Variants in RAB17 observed in about 807,000 individuals in gnomAD.
RAB17 encodes the protein ras-related protein Rab-17.
A neutral mutation model predicts 19.3 loss-of-function variants in RAB17; 15 were observed. That is an observed-to-expected ratio of 0.78 (90% CI 0.52 to 1.20). The LOEUF (loss-of-function observed/expected upper bound fraction) is 1.20. Ranked by LOEUF, RAB17 falls within the 50% of genes most tolerant of loss-of-function variation. The pLI, the probability that RAB17 is intolerant of heterozygous loss-of-function variation, is 0.00. For synonymous variants in RAB17, 110 were observed against 112.8 expected, an observed-to-expected ratio of 0.97 and a Z score of 0.16; for missense variants, 262 against 269.3, an observed-to-expected ratio of 0.97 and a Z score of 0.19.
rs1574931022 is a variant in RAB17, at chr2:237,574,901, C to T, written c.*118G>A. ...TGGTTTTCATAAAGGGGGCCAACTT[C>T]CAGGAACATCTAGGGCTCGGGAGCA... On this transcript the variant is annotated 3_prime_UTR_variant, in exon 6 of 6. Transcript: ENST00000264601. 3 of 894,914 alleles carry T rather than the reference C, an allele frequency of 3.4e-6. No homozygotes were observed. The highest frequency in any genetic ancestry group is 4.2e-5 in the South Asian group (2 of 47,758). The allele number at this position is 894,914 out of a possible 1,614,324, so 55.4% of individuals were successfully genotyped here. A position where few individuals can be genotyped will look rare whatever the true frequency, so the allele number is the denominator to read the frequency against.
chr2:237,574,568 C>A lies in RAB17; in HGVS notation c.*451G>T. 1 of 1,549,762 alleles carries A rather than the reference C, an allele frequency of 6.5e-7. No individual in the cohort carries two copies. Among genetic ancestry groups the A allele is most frequent in the Non-Finnish European group, 8.7e-7 (1 of 1,146,624 alleles). ...CAGTCAGTCATCGCTCCATTTCTTC[C>A]TGGCACCACCACCTCCATCTGGCCT... On this transcript the variant is annotated 3_prime_UTR_variant, in exon 6 of 6. Coordinates refer to ENST00000264601, the MANE Select transcript of RAB17 (RefSeq NM_022449.4).
At chr2:237,585,295 CA>C (rs1180813893) in intron 2 of RAB17, 1 of 167,594 alleles carries the variant, frequency 6.0e-6, no homozygotes, top group Admixed American at 6.5e-5. Flanking sequence ...TGTGTTCCCC[CA>C]GGGGGAATGG....
chr2:237,575,648 A>C (rs527608420), intron 4 of RAB17, 168 bp from the exon 5 acceptor site: 9 of 595,452 alleles, frequency 1.5e-5, no homozygotes, highest in Non-Finnish European at 2.7e-5. Flanking sequence ...AGCCAGGACC[A>C]GGGAGGGGCG....
chr2:237,581,905 A>C (rs2081311602), intron 2 of RAB17, among the ~76,000 whole-genome samples: 3 of 152,246 alleles, frequency 2.0e-5, no homozygotes, highest in Admixed American at 2.0e-4. Context: ...CCATCCTTCC[A>C]AAAGATGTCA....
Position 237,574,824 on chromosome 2 carries a change from G to A in RAB17, c.*195C>T. On this transcript the variant is annotated 3_prime_UTR_variant, in exon 6 of 6. Coordinates refer to ENST00000264601, the MANE Select transcript of RAB17 (RefSeq NM_022449.4). ...GGGATAGGGCACAGCACTTTCCTGG[G>A]AGCCATGTGACGCCAGATCTTCCTC... The A allele has an allele frequency of 1.2e-6, 1 of 866,174 alleles. No individual in the cohort carries two copies. The highest frequency in any genetic ancestry group is 1.7e-6 in the Non-Finnish European group (1 of 594,370). 53.7% of individuals were successfully genotyped at this position (866,174 alleles called of 1,614,324 possible).
At chr2:237,580,179 G>A (rs1354685403) in intron 2 of RAB17, among the ~76,000 whole-genome samples, 1 of 152,164 alleles carries the variant, frequency 6.6e-6, no homozygotes, top group East Asian at 1.9e-4. Flanking sequence ...ACCCAGGGTG[G>A]CTGTTAAATC....
intron 4 of RAB17, 58 bp downstream of exon 4, chr2:237,577,199 A>C (rs2081272035): frequency 1.3e-6 from 2 of 1,561,422 alleles, no homozygotes; most frequent in Non-Finnish European, 1.7e-6. Flanking sequence ...GTCTTGACAC[A>C]GGCGGGCAGG....
intron 2 of RAB17, among the ~76,000 whole-genome samples, chr2:237,581,896 C>T (rs2081311540): frequency 6.6e-6 from 1 of 152,218 alleles, no homozygotes; most frequent in Admixed American, 6.5e-5. Flanking sequence ...TAGATGTCAC[C>T]ATCCTTCCAA....
Position 237,582,103 on chromosome 2 carries a change from C to T in RAB17, c.157+3895G>A, listed in dbSNP as rs548846214. 5.3e-5 allele frequency among the ~76,000 whole-genome samples: 8 copies of T among 152,378 alleles called. No homozygotes were observed. The East Asian group carries it at 1.5e-3, about 29-fold the overall frequency. On this transcript the variant is annotated intron_variant, in intron 2 of 5. Transcript: ENST00000264601. ...ACTTGGACTCCCGTCCCTCGGACTC[C>T]CGTCCGTTCTGCCTCTGCTCCTGCC...
chr2:237,577,399 A>G lies in RAB17; in HGVS notation c.310-17T>C. 6.3e-7 allele frequency: 1 copy of G among 1,590,570 alleles called. No individual in the cohort carries two copies. Among genetic ancestry groups the G allele is most frequent in the Non-Finnish European group, 8.6e-7 (1 of 1,166,352 alleles). ...GAAGGAATCCTAGAAAAGAAGAAAA[A>G]AAGTAACATCAAACAAAACTTATAG... On this transcript the variant is annotated splice_polypyrimidine_tract_variant and intron_variant, in intron 3 of 5. Transcript: ENST00000264601.
intron 2 of RAB17, among the ~76,000 whole-genome samples, chr2:237,580,173 A>C (rs530897577): frequency 1.3e-5 from 2 of 152,362 alleles, no homozygotes; most frequent in Admixed American, 1.3e-4. Context: ...CCCTTCACCC[A>C]GGGTGGCTGT....
intron 4 of RAB17, chr2:237,576,766 G>C: frequency 2.1e-6 from 1 of 470,228 alleles, no homozygotes; most frequent in Non-Finnish European, 4.4e-6. Context: ...GCCTCTGCCT[G>C]TAAGGAGGAC....
rs1378855148 is a variant in RAB17 at position 237,577,397 on chromosome 2, A to G, written c.310-15T>C. 1.3e-6 allele frequency: 2 copies of G among 1,590,512 alleles called. No individual in the cohort carries two copies. The highest frequency in any genetic ancestry group is 1.1e-5 in the South Asian group (1 of 89,006). ...AGGAAGGAATCCTAGAAAAGAAGAA[A>G]AAAAGTAACATCAAACAAAACTTAT... is the stretch of plus-strand genomic sequence containing the variant. On this transcript the variant is annotated splice_polypyrimidine_tract_variant and intron_variant, in intron 3 of 5. Transcript: ENST00000264601.
intron 2 of RAB17, among the ~76,000 whole-genome samples, chr2:237,580,076 A>G (rs181347014): frequency 1.3e-5 from 2 of 152,332 alleles, no homozygotes; most frequent in African/African-American, 4.8e-5. Flanking sequence ...CCCAGAATAT[A>G]AATGTACACC....
intron 2 of RAB17, among the ~76,000 whole-genome samples, chr2:237,582,224 C>T (rs565605557): frequency 2.0e-3 from 304 of 152,238 alleles, no homozygotes; most frequent in Non-Finnish European, 2.8e-3. Context: ...TCTGGATGGA[C>T]GGTGTCTTGC....
intron 2 of RAB17, among the ~76,000 whole-genome samples, chr2:237,581,264 A>C: frequency 6.8e-6 from 1 of 148,052 alleles, no homozygotes; most frequent in African/African-American, 2.7e-5. Context: ...GGTCCCAGCT[A>C]CTGAAGAGGT....
In RAB17 at chr2:237,574,362, C is replaced by T. The variant is rs2081243711; in HGVS notation, c.*657G>A. 7 of 1,464,824 alleles carry T rather than the reference C, an allele frequency of 4.8e-6. No individual in the cohort carries two copies. In the South Asian group the frequency reaches 5.8e-5, roughly 12 times the overall value. 90.7% of individuals were successfully genotyped at this position (1,464,824 alleles called of 1,614,324 possible). ...AATTTAATTTTTGGAGGAAAAACTG[C>T]ATACGCAGTACAACTTATATCTCAG... On this transcript the variant is annotated 3_prime_UTR_variant, in exon 6 of 6. Transcript: ENST00000264601.
In RAB17 at chr2:237,587,705, G is replaced by A. The variant is rs149062857; in HGVS notation, c.-3-1548C>T. On this transcript the variant is annotated intron_variant, in intron 1 of 5. Transcript: ENST00000264601. Reference sequence around the variant, plus strand: ...AAGAAGGGTTCCACATAGTAGACTCGGGTGGTTATCCCAAACATGCCTGGA... The same window carrying A: ...AAGAAGGGTTCCACATAGTAGACTCAGGTGGTTATCCCAAACATGCCTGGA... 1.6e-4 allele frequency among the ~76,000 whole-genome samples: 24 copies of A among 152,110 alleles called. 1 individual carries two copies. The highest frequency in any genetic ancestry group is 1.8e-4 in the Non-Finnish European group (12 of 67,994).
At position 237,574,368 on chromosome 2, in the gene RAB17, C is replaced by A; in HGVS notation, c.*651G>T. ...ATTTTTGGAGGAAAAACTGCATACG[C>A]AGTACAACTTATATCTCAGGCGAAA... On this transcript the variant is annotated 3_prime_UTR_variant, in exon 6 of 6. Transcript: ENST00000264601. 6.7e-7 allele frequency: 1 copy of A among 1,486,146 alleles called. No homozygotes were observed. Among genetic ancestry groups the A allele is most frequent in the Non-Finnish European group, 9.0e-7 (1 of 1,116,878 alleles). 92.1% of individuals were successfully genotyped at this position (1,486,146 alleles called of 1,614,324 possible).
Sources: allele counts gnomAD v4.1 joint callset (sites outside exome capture counted in the v4.1 genomes callset), GRCh38; gene constraint gnomAD v4.1.1; transcripts MANE v1.5; gene names NCBI Gene and HGNC (gene_info 2026-07-23, HGNC 2026-07-21).